The following INPP4B variants were observed in gnomAD, a reference collection of about 807,000 sequenced individuals.
INPP4B encodes the protein inositol polyphosphate 4-phosphatase type II.
In INPP4B, 55 loss-of-function variants were observed where a neutral mutation model predicts 122.5. That is an observed-to-expected ratio of 0.45 (90% confidence interval 0.36 to 0.56). The LOEUF (loss-of-function observed/expected upper bound fraction) is 0.56, where lower values mean the gene tolerates loss of function less well. INPP4B is among the 20% of genes least tolerant of loss of function. The pLI, the probability that INPP4B is intolerant of heterozygous loss-of-function variation, is 0.00. For synonymous variants in INPP4B, 403 were observed against 388.7 expected, an observed-to-expected ratio of 1.04 and a Z score of -0.43; for missense variants, 1,000 against 1,097.7, an observed-to-expected ratio of 0.91 and a Z score of 1.26.
chr4:142,797,401 A>G (rs1344342016), intron 1 of INPP4B, among the ~76,000 whole-genome samples: 1 of 152,062 alleles, frequency 6.6e-6, no homozygotes, highest in East Asian at 1.9e-4. Flanking sequence ...CATGATTACC[A>G]TCAGAAAAAC....
intron 2 of INPP4B, among the ~76,000 whole-genome samples, chr4:142,530,550 C>T (rs1051388008): frequency 2.8e-5 from 4 of 140,444 alleles, no homozygotes; most frequent in African/African-American, 1.1e-4. Flanking sequence ...TATGTGTGTG[C>T]ATATATATAT....
At chr4:142,343,091 T>A (rs182728696) in intron 7 of INPP4B, among the ~76,000 whole-genome samples, 333 of 152,178 alleles carry the variant, frequency 2.2e-3, no homozygotes, top group Non-Finnish European at 3.5e-3. Context: ...AAACTAAAAT[T>A]TCATCCATCC....
chr4:142,448,322 C>G (rs1813360942), intron 3 of INPP4B, among the ~76,000 whole-genome samples: 1 of 135,112 alleles, frequency 7.4e-6, no homozygotes, highest in African/African-American at 2.9e-5. Flanking sequence ...TATTTCCTAT[C>G]CATCTCCAAA....
At chr4:142,527,290 T>C (rs1190529004) in intron 2 of INPP4B, among the ~76,000 whole-genome samples, 1 of 151,850 alleles carries the variant, frequency 6.6e-6, no homozygotes, top group Non-Finnish European at 1.5e-5. Context: ...TTAAATCATA[T>C]TCAAATTCAT....
In INPP4B at chr4:142,643,729, T is replaced by G. The variant is rs1324573356; in HGVS notation, c.-191+82110A>C. Among the ~76,000 whole-genome samples, 3 of 152,220 alleles carry G rather than the reference T, an allele frequency of 2.0e-5. No homozygotes were observed. In the East Asian group the frequency reaches 5.8e-4, roughly 29 times the overall value. On this transcript the variant is annotated intron_variant, in intron 2 of 25. Coordinates refer to ENST00000262992, the MANE Select transcript of INPP4B (RefSeq NM_001101669.3). ...CAAAGCTTACCATGAAAATACTTAA[T>G]AGCTAATTGGGCAGAGGTTTAAGTG... is the stretch of plus-strand genomic sequence containing the variant.
intron 2 of INPP4B, among the ~76,000 whole-genome samples, chr4:142,547,773 T>C (rs1726962089): frequency 6.6e-6 from 1 of 152,166 alleles, no homozygotes; most frequent in Non-Finnish European, 1.5e-5. Context: ...TCACTTTTTA[T>C]TGTATTCTAT....
intron 23 of INPP4B, among the ~76,000 whole-genome samples, chr4:142,094,287 T>A (rs1338896938): frequency 6.6e-6 from 1 of 152,166 alleles, no homozygotes; most frequent in East Asian, 1.9e-4. Flanking sequence ...CAAGTTAAAC[T>A]GGGTGAACAA....
chr4:142,618,636 T>TA (rs1287713939), intron 2 of INPP4B, among the ~76,000 whole-genome samples: 1 of 151,996 alleles, frequency 6.6e-6, no homozygotes, highest in Non-Finnish European at 1.5e-5. Context: ...GTAATACTCA[T>TA]AAAAAATAGA....
intron 2 of INPP4B, among the ~76,000 whole-genome samples, chr4:142,593,095 T>C (rs534381602): frequency 2.7e-3 from 402 of 148,096 alleles, no homozygotes; most frequent in African/African-American, 9.4e-3. Flanking sequence ...TACAGTGAGA[T>C]CCTGTTTTTA....
intron 15 of INPP4B, among the ~76,000 whole-genome samples, chr4:142,184,438 C>A (rs1297194951): frequency 1.3e-5 from 2 of 152,090 alleles, no homozygotes; most frequent in Non-Finnish European, 2.9e-5. Flanking sequence ...GTTTCTGTTT[C>A]TTTTTCCTAA....
intron 12 of INPP4B, among the ~76,000 whole-genome samples, chr4:142,230,980 G>A (rs1045326396): frequency 6.6e-5 from 10 of 151,554 alleles, no homozygotes; most frequent in African/African-American, 1.2e-4. Flanking sequence ...ACACTTCACC[G>A]CCAATTCAAA....
At position 142,248,098 on chromosome 4, in the gene INPP4B, T is replaced by C. The variant is rs72722419; in HGVS notation, c.689-10087A>G. On this transcript the variant is annotated intron_variant, in intron 11 of 25. Transcript: ENST00000262992. ...ACCTTCCACTCCCAGGATATGTTTATATTGTACATCACCAGAATGATGCTT... is the reference window on the plus strand; with the variant it reads ...ACCTTCCACTCCCAGGATATGTTTACATTGTACATCACCAGAATGATGCTT... Among the ~76,000 whole-genome samples the C allele has an allele frequency of 5.3e-3, 814 of 152,198 alleles. 5 individuals carry two copies. The highest frequency in any genetic ancestry group is 9.3e-3 in the Non-Finnish European group (632 of 68,020).
intron 25 of INPP4B, among the ~76,000 whole-genome samples, chr4:142,071,143 G>A (rs184730429): frequency 6.6e-6 from 1 of 152,210 alleles, no homozygotes; most frequent in Non-Finnish European, 1.5e-5. Context: ...CAGAGATATA[G>A]ACCAATGGAA....
intron 2 of INPP4B, among the ~76,000 whole-genome samples, chr4:142,640,462 G>C (rs1451252005): frequency 6.6e-6 from 1 of 151,696 alleles, no homozygotes; most frequent in Non-Finnish European, 1.5e-5. Context: ...TTTGTACTAG[G>C]ACAGTTGGAT....
intron 2 of INPP4B, among the ~76,000 whole-genome samples, chr4:142,499,821 C>T (rs1580220338): frequency 6.6e-6 from 1 of 152,230 alleles, no homozygotes; most frequent in East Asian, 1.9e-4. Context: ...TTATTTAAAA[C>T]CTCTTACATC....
chr4:142,548,818 A>G (rs1727306922), intron 2 of INPP4B, among the ~76,000 whole-genome samples: 2 of 151,966 alleles, frequency 1.3e-5, no homozygotes, highest in Non-Finnish European at 2.9e-5. Context: ...ACAGAAAATC[A>G]TTCTAAAATG....
At chr4:142,250,756 G>A (rs1731579028) in intron 11 of INPP4B, among the ~76,000 whole-genome samples, 2 of 151,938 alleles carry the variant, frequency 1.3e-5, no homozygotes, top group South Asian at 2.1e-4. Flanking sequence ...GAAAATATCT[G>A]TGGCAAATAT....
At chr4:142,058,592 T>C (rs1470794102) in intron 25 of INPP4B, among the ~76,000 whole-genome samples, 1 of 152,134 alleles carries the variant, frequency 6.6e-6, no homozygotes, top group East Asian at 1.9e-4. Context: ...CACTCTCATA[T>C]ACCATTTAAC....
chr4:142,592,725 C>G (rs933744249), intron 2 of INPP4B, among the ~76,000 whole-genome samples: 8 of 152,082 alleles, frequency 5.3e-5, no homozygotes, highest in African/African-American at 1.9e-4. Flanking sequence ...GTAATTCAAG[C>G]CTTTTTCAGG....
Sources: gnomAD v4.1 joint callset for allele counts (sites outside exome capture counted in the v4.1 genomes callset) on GRCh38, gnomAD v4.1.1 for gene constraint, MANE v1.5 for transcripts, NCBI Gene and HGNC (gene_info 2026-07-23, HGNC 2026-07-21) for gene names.